GRIK2: variants seen among roughly 807,000 people sequenced by gnomAD.
The protein encoded by GRIK2 is glutamate ionotropic receptor kainate type subunit 2.
GRIK2 carries 32 observed loss-of-function variants against 100.3 expected under a neutral mutation model. That is an observed-to-expected ratio of 0.32 (90% CI 0.24 to 0.43). GRIK2 has a LOEUF of 0.43. Among genes scored for constraint, GRIK2 ranks in the 20% least tolerant of loss-of-function variants. The pLI is 1.00. For synonymous variants in GRIK2, 417 were observed against 389.4 expected (o/e 1.07, Z -0.83); for missense variants, 843 against 1,114.9 (o/e 0.76, Z 3.47).
At position 101,676,602 on chromosome 6, in the gene GRIK2, T is replaced by A. The variant is rs574602328; in HGVS notation, c.542-21T>A. On this transcript the variant is annotated intron_variant, in intron 4 of 16. Transcript: ENST00000369134. ...TTTTTTATCTCTAATATTCTTTTTT[T>A]TTTTTCCATTTTAATTAAAGGTCTC... 7.7e-6 allele frequency: 11 copies of A among 1,434,024 alleles called. 1 individual carries two copies. The highest frequency in any genetic ancestry group is 4.3e-5 in the African/African-American group (3 of 69,332). 88.8% of individuals were successfully genotyped at this position (1,434,024 alleles called of 1,614,324 possible). A position where few individuals can be genotyped will look rare whatever the true frequency, so the allele number is the denominator to read the frequency against.
chr6:101,823,985 A>G (rs1217321915), intron 10 of GRIK2, among the ~76,000 whole-genome samples: 1 of 151,160 alleles, frequency 6.6e-6, no homozygotes, highest in Non-Finnish European at 1.5e-5. Context: ...CTCCTGCCTC[A>G]GCCTCCTGAG....
chr6:101,426,368 C>A (rs935820471), intron 2 of GRIK2, among the ~76,000 whole-genome samples: 1 of 152,098 alleles, frequency 6.6e-6, no homozygotes, highest in Non-Finnish European at 1.5e-5. Flanking sequence ...TTGAAACATA[C>A]TATAAATTCT....
chr6:102,065,469 C>A (rs1474442878), intron 16 of GRIK2, among the ~76,000 whole-genome samples: 1 of 151,116 alleles, frequency 6.6e-6, no homozygotes, highest in Non-Finnish European at 1.5e-5. Flanking sequence ...TGAGTCATTT[C>A]ATAGTTGAGC....
At chr6:101,918,203 A>ATG (rs1789246135) in intron 12 of GRIK2, among the ~76,000 whole-genome samples, 1 of 151,738 alleles carries the variant, frequency 6.6e-6, no homozygotes, top group African/African-American at 2.4e-5. Context: ...GATGATGATG[A>ATG]AAAAATAAAC....
intron 2 of GRIK2, among the ~76,000 whole-genome samples, chr6:101,466,605 A>G (rs1771659833): frequency 6.6e-6 from 1 of 151,832 alleles, no homozygotes; most frequent in African/African-American, 2.4e-5. Context: ...AAAAAAAAAA[A>G]AAAGCTTTTT....
At chr6:101,745,210 A>G (rs928628511) in intron 7 of GRIK2, 3 of 152,186 alleles carry the variant, frequency 2.0e-5, no homozygotes, top group African/African-American at 7.2e-5. Context: ...CTTGTTATTC[A>G]GTGAAAGGAT....
intron 14 of GRIK2, among the ~76,000 whole-genome samples, chr6:101,956,706 C>T (rs1211491568): frequency 6.6e-6 from 1 of 151,132 alleles, no homozygotes; most frequent in Non-Finnish European, 1.5e-5. Context: ...TTGCAAAAGA[C>T]ATGATTTCAT....
intron 14 of GRIK2, among the ~76,000 whole-genome samples, chr6:101,977,666 T>G (rs1793474671): frequency 6.6e-6 from 1 of 151,994 alleles, no homozygotes; most frequent in South Asian, 2.1e-4. Context: ...CCCAAGGTGC[T>G]GGAGGCTGTC....
chr6:102,015,515 T>C (rs1025540318), intron 14 of GRIK2, among the ~76,000 whole-genome samples: 2 of 152,146 alleles, frequency 1.3e-5, no homozygotes, highest in African/African-American at 4.8e-5. Flanking sequence ...CTGCTACGAG[T>C]ACAGATGTGC....
At position 101,722,455 on chromosome 6, in the gene GRIK2, C is replaced by T. The variant is rs568571397; in HGVS notation, c.951+36102C>T. Among the ~76,000 whole-genome samples, 7 of 152,110 alleles carry T rather than the reference C, an allele frequency of 4.6e-5. No individual in the cohort carries two copies. The South Asian group carries it at 8.3e-4, about 18-fold the overall frequency. ...CATGATCTAATTGTGTTTATACTTACGTCTTTCACAATTTTTACTACTATT... is the reference window on the plus strand; with the variant it reads ...CATGATCTAATTGTGTTTATACTTATGTCTTTCACAATTTTTACTACTATT... On this transcript the variant is annotated intron_variant, in intron 7 of 16. Coordinates refer to ENST00000369134, the MANE Select transcript of GRIK2 (RefSeq NM_021956.5).
intron 10 of GRIK2, among the ~76,000 whole-genome samples, chr6:101,850,231 G>T (rs1024292596): frequency 1.3e-5 from 2 of 151,912 alleles, no homozygotes; most frequent in Non-Finnish European, 2.9e-5. Context: ...CCACTAGATT[G>T]GGAGTTTCAT....
At chr6:101,812,583 G>A (rs1374923706) in intron 9 of GRIK2, among the ~76,000 whole-genome samples, 1 of 151,814 alleles carries the variant, frequency 6.6e-6, no homozygotes. Context: ...CCCGTAGGAT[G>A]TCCTATATTC....
At chr6:101,852,086 G>C (rs1295773366) in intron 10 of GRIK2, among the ~76,000 whole-genome samples, 1 of 151,962 alleles carries the variant, frequency 6.6e-6, no homozygotes, top group Non-Finnish European at 1.5e-5. Context: ...TTTAGAACAG[G>C]GTTTGGCACA....
At chr6:101,580,382 C>G (rs981578136) in intron 2 of GRIK2, among the ~76,000 whole-genome samples, 2 of 152,066 alleles carry the variant, frequency 1.3e-5, no homozygotes, top group African/African-American at 4.8e-5. Flanking sequence ...TCCCCTATAC[C>G]CCATGTGTGA....
intron 7 of GRIK2, among the ~76,000 whole-genome samples, chr6:101,700,738 T>A (rs556894374): frequency 1.4e-4 from 22 of 152,238 alleles, no homozygotes; most frequent in African/African-American, 4.8e-4. Context: ...TTTCCTGCCC[T>A]ATCCTGCTTC....
At chr6:101,787,337 TCTA>T (rs1284058585) in intron 7 of GRIK2, among the ~76,000 whole-genome samples, 2 of 152,000 alleles carry the variant, frequency 1.3e-5, no homozygotes, top group Non-Finnish European at 2.9e-5. Context: ...ATTTTTTTCT[TCTA>T]CTAATACTAG....
At chr6:101,452,446 T>G (rs1770762649) in intron 2 of GRIK2, among the ~76,000 whole-genome samples, 1 of 97,314 alleles carries the variant, frequency 1.0e-5, no homozygotes, top group Non-Finnish European at 2.1e-5. Context: ...ATGAAATTTT[T>G]GTGTTTTTTT....
intron 11 of GRIK2, among the ~76,000 whole-genome samples, chr6:101,861,323 C>G (rs936858942): frequency 1.3e-5 from 2 of 152,100 alleles, no homozygotes; most frequent in African/African-American, 4.8e-5. Flanking sequence ...AAAACATAAA[C>G]ATTTAGATGG....
At chr6:101,991,880 G>C (rs2128492399) in intron 14 of GRIK2, among the ~76,000 whole-genome samples, 1 of 151,530 alleles carries the variant, frequency 6.6e-6, no homozygotes, top group Middle Eastern at 3.4e-3. Context: ...GAAATGCCAA[G>C]TTATATCATG....
Sources: allele counts gnomAD v4.1 joint callset (sites outside exome capture counted in the v4.1 genomes callset), GRCh38; gene constraint gnomAD v4.1.1; transcripts MANE v1.5; gene names NCBI Gene and HGNC (gene_info 2026-07-23, HGNC 2026-07-21).